The following AGBL4 variants were observed in gnomAD, a reference collection of about 807,000 sequenced individuals.
AGBL4 encodes AGBL carboxypeptidase 4.
AGBL4 carries 58 observed loss-of-function variants against 66.4 expected under a neutral mutation model. The observed-to-expected ratio is 0.87, with a 90% confidence interval of 0.71 to 1.09. AGBL4 has a LOEUF of 1.09. Ranked by LOEUF, AGBL4 falls within the 50% of genes least tolerant of loss-of-function variation. The pLI is 0.00. For missense variants in AGBL4, 579 were observed against 631.0 expected, an observed-to-expected ratio of 0.92 and a Z score of 0.88; for synonymous variants, 234 against 222.9, an observed-to-expected ratio of 1.05 and a Z score of -0.44.
intron 4 of AGBL4, among the ~76,000 whole-genome samples, chr1:49,126,833 T>A (rs978062413): frequency 6.6e-6 from 1 of 152,100 alleles, no homozygotes; most frequent in Non-Finnish European, 1.5e-5. Flanking sequence ...CTTTCTCAGT[T>A]TTATCTTTAT....
intron 10 of AGBL4, among the ~76,000 whole-genome samples, chr1:48,589,285 G>C (rs1311441896): frequency 6.6e-6 from 1 of 152,130 alleles, no homozygotes; most frequent in Non-Finnish European, 1.5e-5. Flanking sequence ...TAAATAATCT[G>C]CCAATTCCTT....
chr1:48,611,226 C>T (rs1179762108), intron 9 of AGBL4, among the ~76,000 whole-genome samples: 1 of 152,208 alleles, frequency 6.6e-6, no homozygotes, highest in Non-Finnish European at 1.5e-5. Context: ...GAGGCCCACA[C>T]CTCTGTGCTT....
intron 5 of AGBL4, among the ~76,000 whole-genome samples, chr1:48,944,708 G>A (rs1374566800): frequency 6.6e-6 from 1 of 151,996 alleles, no homozygotes; most frequent in Non-Finnish European, 1.5e-5. Context: ...ACCCCCAGGG[G>A]ATTCTAATAC....
intron 4 of AGBL4, among the ~76,000 whole-genome samples, chr1:49,077,722 C>T (rs1237998553): frequency 6.6e-6 from 1 of 152,006 alleles, no homozygotes; most frequent in Non-Finnish European, 1.5e-5. Context: ...AGTATAATGT[C>T]AGTTGTAAAA....
rs544906081 is a variant in AGBL4 at position 48,806,199 on chromosome 1, C to T, written c.634+60992G>A. 1.6e-3 allele frequency among the ~76,000 whole-genome samples: 248 copies of T among 152,268 alleles called. 9 individuals are homozygous for T. The South Asian group carries it at 0.049, about 30-fold the overall frequency. On this transcript the variant is annotated intron_variant, in intron 6 of 13. Coordinates refer to ENST00000371839, the MANE Select transcript of AGBL4 (RefSeq NM_032785.4). ...TTTACTACATGCCTTTCTTCATAAC[C>T]TTGGAAATGCAAATCCTTGGACTCT...
At chr1:49,841,560 G>A (rs1402254958) in intron 2 of AGBL4, among the ~76,000 whole-genome samples, 1 of 152,020 alleles carries the variant, frequency 6.6e-6, no homozygotes, top group African/African-American at 2.4e-5. Context: ...AAAGAACAAG[G>A]CTGGAGAAAT....
intron 3 of AGBL4, among the ~76,000 whole-genome samples, chr1:49,507,561 A>G (rs1319840716): frequency 6.6e-6 from 1 of 152,032 alleles, no homozygotes; most frequent in Non-Finnish European, 1.5e-5. Context: ...CCAGTCATCA[A>G]GACTCAAATA....
At chr1:49,001,760 T>A (rs1661411281) in intron 5 of AGBL4, among the ~76,000 whole-genome samples, 1 of 152,204 alleles carries the variant, frequency 6.6e-6, no homozygotes, top group Non-Finnish European at 1.5e-5. Flanking sequence ...AATTTAAGTG[T>A]GACCATATCA....
intron 8 of AGBL4, among the ~76,000 whole-genome samples, chr1:48,647,388 T>C (rs1645854742): frequency 6.6e-6 from 1 of 152,348 alleles, no homozygotes; most frequent in South Asian, 2.1e-4. Flanking sequence ...CAATTCAGCA[T>C]GTGTGAGGTT....
chr1:49,093,695 A>C (rs962955826), intron 4 of AGBL4, among the ~76,000 whole-genome samples: 29 of 152,294 alleles, frequency 1.9e-4, no homozygotes, highest in African/African-American at 6.7e-4. Context: ...AAGCAAATTC[A>C]CAGAAATGAA....
At chr1:49,002,914 T>C (rs1053444237) in intron 5 of AGBL4, among the ~76,000 whole-genome samples, 3 of 152,226 alleles carry the variant, frequency 2.0e-5, no homozygotes, top group Non-Finnish European at 2.9e-5. Context: ...GGGTTGTGTA[T>C]AGACCAGGAG....
At chr1:48,673,168 C>T (rs1470166436) in intron 6 of AGBL4, among the ~76,000 whole-genome samples, 4 of 152,176 alleles carry the variant, frequency 2.6e-5, no homozygotes, top group African/African-American at 4.8e-5. Flanking sequence ...CACACATCTG[C>T]GTCTGACTGA....
At chr1:49,446,380 T>C (rs1389704454) in intron 3 of AGBL4, among the ~76,000 whole-genome samples, 1 of 152,190 alleles carries the variant, frequency 6.6e-6, no homozygotes, top group Non-Finnish European at 1.5e-5. Flanking sequence ...ATTGGTTCAG[T>C]AGGGCACTTT....
chr1:48,661,000 A>G (rs1011218674), intron 7 of AGBL4, among the ~76,000 whole-genome samples: 2 of 152,200 alleles, frequency 1.3e-5, no homozygotes, highest in East Asian at 3.8e-4. Context: ...TCTGAGTTCA[A>G]CGCAGCATTT....
At chr1:49,505,795 T>G (rs1648624810) in intron 3 of AGBL4, among the ~76,000 whole-genome samples, 1 of 152,046 alleles carries the variant, frequency 6.6e-6, no homozygotes, top group African/African-American at 2.4e-5. Flanking sequence ...TGGAATATTT[T>G]CTGTTATTAT....
chr1:48,864,833 C>T (rs1036191191), intron 6 of AGBL4, among the ~76,000 whole-genome samples: 8 of 152,014 alleles, frequency 5.3e-5, no homozygotes, highest in East Asian at 3.9e-4. Flanking sequence ...TTATAATTTT[C>T]GTCCAAAAAT....
chr1:48,714,422 C>T (rs146227160), intron 6 of AGBL4, among the ~76,000 whole-genome samples: 24 of 152,340 alleles, frequency 1.6e-4, no homozygotes, highest in African/African-American at 5.5e-4. Context: ...CTTTTCTCAC[C>T]TTCTACTTCT....
intron 5 of AGBL4, among the ~76,000 whole-genome samples, chr1:48,977,155 G>A (rs147142070): frequency 1.1e-3 from 167 of 152,204 alleles, no homozygotes; most frequent in African/African-American, 3.6e-3. Flanking sequence ...CATGAATACC[G>A]AGTACAATTC....
At chr1:49,995,307 G>C (rs1369148617) in intron 1 of AGBL4, 4 of 454,298 alleles carry the variant, frequency 8.8e-6, no homozygotes, top group Admixed American at 2.3e-5. Flanking sequence ...AGTGCTATTG[G>C]GGTGCACAGT....
Sources: gnomAD v4.1 joint callset for allele counts (sites outside exome capture counted in the v4.1 genomes callset) on GRCh38, gnomAD v4.1.1 for gene constraint, MANE v1.5 for transcripts, NCBI Gene and HGNC (gene_info 2026-07-23, HGNC 2026-07-21) for gene names.